The following ITGA9 variants were observed in gnomAD, a reference collection of about 807,000 sequenced individuals.
ITGA9 encodes the protein integrin subunit alpha 9, also known as integrin alpha-9.
Under a neutral mutation model 127.8 loss-of-function variants are expected in ITGA9, and 56 were observed. The ratio of observed to expected loss-of-function variants is 0.44; its 90% CI spans 0.35 to 0.55. ITGA9 has a LOEUF of 0.55. ITGA9 is among the 20% of genes least tolerant of loss of function. The probability of loss-of-function intolerance (pLI) is 0.00; values close to 1 mark genes in which losing one functional copy is unlikely to be tolerated. For missense variants in ITGA9, 1,196 were observed against 1,347.1 expected, an observed-to-expected ratio of 0.89 and a Z score of 1.76; for synonymous variants, 508 against 514.5, an observed-to-expected ratio of 0.99 and a Z score of 0.17.
intron 17 of ITGA9, among the ~76,000 whole-genome samples, chr3:37,659,993 C>CACAA (rs1700517595): frequency 1.3e-5 from 2 of 151,322 alleles, no homozygotes; most frequent in Admixed American, 6.6e-5. Flanking sequence ...AACACACACA[C>CACAA]ACACACACAC....
At chr3:37,540,115 C>A (rs977472368) in intron 14 of ITGA9, among the ~76,000 whole-genome samples, 4 of 152,176 alleles carry the variant, frequency 2.6e-5, no homozygotes, top group African/African-American at 9.7e-5. Flanking sequence ...TGTTCCTTTC[C>A]ACCCAGGTTT....
At chr3:37,760,972 G>A (rs1294512907) in intron 23 of ITGA9, among the ~76,000 whole-genome samples, 1 of 152,136 alleles carries the variant, frequency 6.6e-6, no homozygotes, top group Admixed American at 6.5e-5. Flanking sequence ...AATGGTTGAA[G>A]TTATATGAAC....
intron 15 of ITGA9, among the ~76,000 whole-genome samples, chr3:37,607,806 T>C (rs1699982022): frequency 6.6e-6 from 1 of 152,164 alleles, no homozygotes; most frequent in Non-Finnish European, 1.5e-5. Context: ...TGCCCAGAAA[T>C]AGCCTAGACC....
At chr3:37,530,721 T>G (rs868850816) in intron 13 of ITGA9, among the ~76,000 whole-genome samples, 807 of 3,658 alleles carry the variant, frequency 0.22, 7 homozygotes, top group African/African-American at 0.37. Flanking sequence ...TACCAGGTTT[T>G]TTTTTTTTTT....
chr3:37,672,922 A>C (rs2226457), intron 17 of ITGA9, among the ~76,000 whole-genome samples: 10,292 of 152,000 alleles, frequency 0.068, 1,102 homozygotes, highest in African/African-American at 0.22. Flanking sequence ...TTTACAACAA[A>C]AAATAGAGCA....
chr3:37,797,256 C>T (rs1166815479), intron 26 of ITGA9, among the ~76,000 whole-genome samples: 2 of 152,056 alleles, frequency 1.3e-5, no homozygotes, highest in Non-Finnish European at 2.9e-5. Context: ...CACTTGAGCC[C>T]ACCTCAAGTG....
At chr3:37,704,785 C>A (rs1478589662) in intron 18 of ITGA9, among the ~76,000 whole-genome samples, 1 of 152,206 alleles carries the variant, frequency 6.6e-6, no homozygotes, top group African/African-American at 2.4e-5. Flanking sequence ...TATCCTGTGT[C>A]AGCTGGAATC....
intron 18 of ITGA9, among the ~76,000 whole-genome samples, chr3:37,697,772 T>C (rs1333117037): frequency 6.6e-6 from 1 of 152,212 alleles, no homozygotes; most frequent in African/African-American, 2.4e-5. Context: ...TTTTTGCTAT[T>C]GGAAATAGTG....
chr3:37,707,961 G>A (rs1329381456), intron 18 of ITGA9, among the ~76,000 whole-genome samples: 1 of 152,162 alleles, frequency 6.6e-6, no homozygotes, highest in African/African-American at 2.4e-5. Context: ...GCTAGGCAGG[G>A]CCCAGGTAGC....
At chr3:37,556,160 G>C (rs1180369614) in intron 15 of ITGA9, among the ~76,000 whole-genome samples, 2 of 152,206 alleles carry the variant, frequency 1.3e-5, no homozygotes, top group Non-Finnish European at 2.9e-5. Flanking sequence ...GGTGGACCAG[G>C]TCTTGCTCTG....
At chr3:37,721,383 C>T (rs1358693047) in intron 18 of ITGA9, among the ~76,000 whole-genome samples, 5 of 152,124 alleles carry the variant, frequency 3.3e-5, no homozygotes, top group African/African-American at 4.8e-5. Flanking sequence ...CCCAAAATGC[C>T]GGGATTACAG....
intron 17 of ITGA9, among the ~76,000 whole-genome samples, chr3:37,672,096 C>T (rs1700641764): frequency 6.6e-6 from 1 of 152,038 alleles, no homozygotes; most frequent in Non-Finnish European, 1.5e-5. Flanking sequence ...GGTATCAACC[C>T]AGGGTTCAGC....
rs935329956 is a variant in ITGA9, at chr3:37,596,578, C to G, written c.1690-32609C>G. Among the ~76,000 whole-genome samples, 21 of 152,248 alleles carry G rather than the reference C, an allele frequency of 1.4e-4. 1 individual carries two copies. The highest frequency in any genetic ancestry group is 4.6e-4 in the African/African-American group (19 of 41,534). On this transcript the variant is annotated intron_variant, in intron 15 of 27. Transcript: ENST00000264741. ...AGCTTAAAGGGGAGTTAATGGAGCCCTGAGAATGTCCTGCTCCCCCGGAGG... is the reference window on the plus strand; with the variant it reads ...AGCTTAAAGGGGAGTTAATGGAGCCGTGAGAATGTCCTGCTCCCCCGGAGG...
intron 26 of ITGA9, among the ~76,000 whole-genome samples, chr3:37,794,250 C>T (rs1365103800): frequency 3.9e-5 from 6 of 152,308 alleles, no homozygotes; most frequent in South Asian, 2.1e-4. Flanking sequence ...GCCCCACAGC[C>T]GGTCAGTGGA....
chr3:37,455,226 T>C (rs1384302326), intron 1 of ITGA9, among the ~76,000 whole-genome samples: 1 of 152,230 alleles, frequency 6.6e-6, no homozygotes, highest in Non-Finnish European at 1.5e-5. Flanking sequence ...TAGTCCTGCT[T>C]GAGGGACATG....
At chr3:37,731,323 T>C (rs1696289809) in intron 18 of ITGA9, among the ~76,000 whole-genome samples, 1 of 152,148 alleles carries the variant, frequency 6.6e-6, no homozygotes, top group African/African-American at 2.4e-5. Context: ...GTTCACGCCA[T>C]TCTCCTGCCT....
In ITGA9 at chr3:37,819,308, A is replaced by G. The variant is rs2125570200; in HGVS notation, c.*319A>G. 1.0e-5 allele frequency: 4 copies of G among 389,700 alleles called. No homozygotes were observed. The highest frequency in any genetic ancestry group is 9.5e-6 in the Non-Finnish European group (2 of 211,222). The allele number at this position is 389,700 out of a possible 1,614,324, so 24.1% of individuals were successfully genotyped here. On this transcript the variant is annotated 3_prime_UTR_variant, in exon 28 of 28. Transcript: ENST00000264741. ...TGTTACCTAAAGTATTTTTATAAAT[A>G]TAAGCCTTTTATACTGATTATGTCT...
At chr3:37,541,689 T>G (rs1161131760) in intron 14 of ITGA9, among the ~76,000 whole-genome samples, 1 of 152,204 alleles carries the variant, frequency 6.6e-6, no homozygotes, top group Non-Finnish European at 1.5e-5. Context: ...GTCATAGTTT[T>G]GTTGAAAGGA....
At chr3:37,748,977 G>A in intron 22 of ITGA9, 1 of 516,288 alleles carries the variant, frequency 1.9e-6, no homozygotes, top group Non-Finnish European at 3.4e-6. Flanking sequence ...TTAACCCATT[G>A]ACATAGCTTC....
Sources: gnomAD v4.1 joint callset for allele counts (sites outside exome capture counted in the v4.1 genomes callset) on GRCh38, gnomAD v4.1.1 for gene constraint, MANE v1.5 for transcripts, NCBI Gene and HGNC (gene_info 2026-07-23, HGNC 2026-07-21) for gene names.